Variants in FREM1 observed in about 807,000 individuals in gnomAD.
FREM1 encodes FRAS1-related extracellular matrix protein 1.
In FREM1, 220 loss-of-function variants were observed where a neutral mutation model predicts 210.1. That is an observed-to-expected ratio of 1.05 (90% CI 0.94 to 1.17). The LOEUF (loss-of-function observed/expected upper bound fraction) is 1.17. Among genes scored for constraint, FREM1 ranks in the 50% most tolerant of loss-of-function variants. FREM1 has a pLI of 0.00. For missense variants in FREM1, 3,454 were observed against 2,675.5 expected, an observed-to-expected ratio of 1.29 and a Z score of -6.42; for synonymous variants, 1,189 against 980.2, an observed-to-expected ratio of 1.21 and a Z score of -3.98.
chr9:14,781,388 T>C (rs1849623484), intron 24 of FREM1, among the ~76,000 whole-genome samples: 2 of 152,236 alleles, frequency 1.3e-5, no homozygotes, highest in Non-Finnish European at 2.9e-5. Flanking sequence ...CCTTGTTTCC[T>C]AATCTTGAGT....
Position 14,740,203 on chromosome 9 carries a change from T to C in FREM1, c.6286A>G (p.Arg2096Gly), listed in dbSNP as rs377200008. 1.7e-5 allele frequency: 28 copies of C among 1,613,116 alleles called. No individual in the cohort carries two copies. In the African/African-American group the frequency reaches 1.7e-4, roughly 10 times the overall value. Residue 2096 changes from arginine to glycine, a missense_variant, in exon 36 of 37, where the codon AGG (arginine) becomes GGG (glycine). Coordinates refer to ENST00000380880, the MANE Select transcript of FREM1 (RefSeq NM_001379081.2). The stretch of plus-strand genomic sequence containing the variant: ...TCCCAGAGCCACCGCATGTGCTGCC[T>C]GGAGAATACAGTTACAAGGTTGCCC... ...YLGNLVTVFS[R>G]QHMRWLWDIG...
chr9:14,860,720 C>CAT (rs200736147), intron 3 of FREM1, among the ~76,000 whole-genome samples: 25,455 of 84,808 alleles, frequency 0.3, 4,384 homozygotes, highest in East Asian at 0.65. Context: ...CATATATACA[C>CAT]ATATATACAC....
chr9:14,813,442 C>T (rs962643402), intron 15 of FREM1, among the ~76,000 whole-genome samples: 13 of 152,200 alleles, frequency 8.5e-5, no homozygotes, highest in Non-Finnish European at 1.9e-4. Flanking sequence ...TGGTCCAAGG[C>T]ATTTTCATTT....
At chr9:14,765,934 G>A (rs1468119714) in intron 27 of FREM1, among the ~76,000 whole-genome samples, 3 of 152,200 alleles carry the variant, frequency 2.0e-5, no homozygotes, top group South Asian at 2.1e-4. Context: ...ACATTCTGTG[G>A]TCCACAAAAG....
At chr9:14,821,041 T>C (rs1322117080) in intron 13 of FREM1, among the ~76,000 whole-genome samples, 1 of 152,144 alleles carries the variant, frequency 6.6e-6, no homozygotes, top group Non-Finnish European at 1.5e-5. Flanking sequence ...AAGGCTAATT[T>C]CCCCCGACTC....
chr9:14,823,562 G>A (rs1451630232), intron 12 of FREM1, among the ~76,000 whole-genome samples: 3 of 152,162 alleles, frequency 2.0e-5, no homozygotes, highest in Non-Finnish European at 2.9e-5. Flanking sequence ...GAAGGAGCAT[G>A]GCCCTGCCAA....
intron 20 of FREM1, among the ~76,000 whole-genome samples, chr9:14,800,417 T>A (rs1853314384): frequency 6.6e-6 from 1 of 152,184 alleles, no homozygotes; most frequent in Non-Finnish European, 1.5e-5. Flanking sequence ...TTTTCATATG[T>A]GAAAAGTGGG....
chr9:14,738,933 C>A (rs943279490), intron 36 of FREM1, among the ~76,000 whole-genome samples: 1 of 145,326 alleles, frequency 6.9e-6, no homozygotes, highest in Non-Finnish European at 1.5e-5. Context: ...TTGCTTGAAC[C>A]CAGGGGGCGG....
intron 27 of FREM1, 121 bp downstream of exon 27, chr9:14,769,603 T>G: frequency 9.6e-7 from 1 of 1,037,458 alleles, no homozygotes; most frequent in Non-Finnish European, 1.4e-6. Flanking sequence ...CATGAGCTTG[T>G]GAAATGGTCT....
chr9:14,861,046 CATATATACATATATACACATAT>C (rs1564105060), intron 3 of FREM1, among the ~76,000 whole-genome samples: 12 of 75,146 alleles, frequency 1.6e-4, no homozygotes, highest in African/African-American at 6.4e-4. Context: ...TACATATATA[CATATATACATATATACACATAT>C]ACATATATAC....
At chr9:14,871,507 T>C (rs1832674718) in intron 1 of FREM1, among the ~76,000 whole-genome samples, 1 of 152,146 alleles carries the variant, frequency 6.6e-6, no homozygotes, top group Non-Finnish European at 1.5e-5. Flanking sequence ...GGGTTGTTTG[T>C]TTTTTTCTTG....
chr9:14,791,417 A>G (rs568234757), intron 22 of FREM1, among the ~76,000 whole-genome samples: 17 of 152,308 alleles, frequency 1.1e-4, no homozygotes, highest in African/African-American at 3.8e-4. Context: ...CAATTCCAGG[A>G]ATGTTAATTT....
intron 1 of FREM1, among the ~76,000 whole-genome samples, chr9:14,874,538 T>C (rs1833330681): frequency 6.6e-6 from 1 of 150,542 alleles, no homozygotes; most frequent in Non-Finnish European, 1.5e-5. Flanking sequence ...TCCTCCATCC[T>C]TTTATTTTGA....
At chr9:14,830,530 A>G (rs1054213211) in intron 10 of FREM1, among the ~76,000 whole-genome samples, 9 of 152,156 alleles carry the variant, frequency 5.9e-5, no homozygotes, top group African/African-American at 2.2e-4. Context: ...CAGAATAATA[A>G]TTGTTTGAAC....
intron 20 of FREM1, 126 bp from the exon 21 acceptor site, chr9:14,797,768 G>C (rs965143777): frequency 1.6e-6 from 1 of 638,290 alleles, no homozygotes; most frequent in Non-Finnish European, 2.5e-6. Context: ...GTGCAGTAGG[G>C]TGAAATTAAA....
intron 26 of FREM1, among the ~76,000 whole-genome samples, chr9:14,770,325 C>T (rs1847306376): frequency 6.6e-6 from 1 of 152,012 alleles, no homozygotes; most frequent in Non-Finnish European, 1.5e-5. Flanking sequence ...AAATTTGGTC[C>T]TGATATTATG....
At chr9:14,853,951 T>C (rs1258953810) in intron 5 of FREM1, among the ~76,000 whole-genome samples, 2 of 152,186 alleles carry the variant, frequency 1.3e-5, no homozygotes, top group Non-Finnish European at 2.9e-5. Context: ...ATAAAGTGGA[T>C]ACAAATGATG....
Position 14,772,887 on chromosome 9 carries a change from T to C in FREM1, c.4858-2081A>G, listed in dbSNP as rs116051567. ...GTTGTTTTATTTTGGTTTTGGATGT[T>C]ATAATTCCTTAAAAATGAAAGTGTT... On this transcript the variant is annotated intron_variant, in intron 25 of 36. Coordinates refer to ENST00000380880, the MANE Select transcript of FREM1 (RefSeq NM_001379081.2). 2.3e-3 allele frequency among the ~76,000 whole-genome samples: 348 copies of C among 152,336 alleles called. 3 individuals are homozygous for C. Among genetic ancestry groups the C allele is most frequent in the African/African-American group, 8.2e-3 (339 of 41,580 alleles).
chr9:14,859,229 TG>T lies in FREM1; in HGVS notation c.584del (p.Pro195GlnfsTer18). The T allele has an allele frequency of 6.2e-7, 1 of 1,607,828 alleles. No homozygotes were observed. Among genetic ancestry groups the T allele is most frequent in the Non-Finnish European group, 8.5e-7 (1 of 1,176,172 alleles). On this transcript the variant is annotated frameshift_variant, in exon 4 of 37. Transcript: ENST00000380880. LOFTEE classifies it high-confidence loss of function. ...GTGGCTGATCTCCACGAGGTTCTTC[TG>T]GTCGAGGCTCCCCGAGAACCATCTG... ...HGQMVLGEPR[P>X]EEPRGDQPHS...
Sources: gnomAD v4.1 joint callset for allele counts (sites outside exome capture counted in the v4.1 genomes callset) on GRCh38, gnomAD v4.1.1 for gene constraint, MANE v1.5 for transcripts, NCBI Gene and HGNC (gene_info 2026-07-23, HGNC 2026-07-21) for gene names.